Variants in AGFG1 observed in about 807,000 individuals in gnomAD.
AGFG1 encodes the protein arf-GAP domain and FG repeat-containing protein 1.
In AGFG1, 10 loss-of-function variants were observed where a neutral mutation model predicts 60.6. The ratio of observed to expected loss-of-function variants is 0.16; its 90% CI spans 0.10 to 0.28. The LOEUF is 0.28. Among genes scored for constraint, AGFG1 ranks in the 10% least tolerant of loss-of-function variants. AGFG1 has a pLI of 1.00. For synonymous variants in AGFG1, 247 were observed against 242.9 expected, an observed-to-expected ratio of 1.02 and a Z score of -0.16; for missense variants, 537 against 676.5, an observed-to-expected ratio of 0.79 and a Z score of 2.29.
chr2:227,476,539 G>A (rs1285028033), intron 1 of AGFG1, among the ~76,000 whole-genome samples: 1 of 152,164 alleles, frequency 6.6e-6, no homozygotes, highest in Non-Finnish European at 1.5e-5. Flanking sequence ...TCTATTTTAT[G>A]TGGACAGTGC....
intron 10 of AGFG1, among the ~76,000 whole-genome samples, chr2:227,541,870 A>G (rs942318521): frequency 6.6e-6 from 1 of 152,028 alleles, no homozygotes. Flanking sequence ...CTTTTATTTC[A>G]TTGAGCAGTG....
chr2:227,506,490 C>A (rs1005179130), intron 2 of AGFG1, among the ~76,000 whole-genome samples: 1 of 142,984 alleles, frequency 7.0e-6, no homozygotes, highest in Non-Finnish European at 1.5e-5. Context: ...GTACTTTAAG[C>A]TTTAAGGCTT....
Position 227,527,036 on chromosome 2 carries a change from T to C in AGFG1, c.694+2121T>C, listed in dbSNP as rs115560419. 5.2e-3 allele frequency among the ~76,000 whole-genome samples: 793 copies of C among 152,302 alleles called. 3 individuals are homozygous for C. Among genetic ancestry groups the C allele is most frequent in the African/African-American group, 0.016 (675 of 41,564 alleles). On this transcript the variant is annotated intron_variant, in intron 5 of 12. Coordinates refer to ENST00000310078, the MANE Select transcript of AGFG1 (RefSeq NM_004504.5). ...ACTTAGGTTAGGTAATATTTAAAAA[T>C]TGATTATTGAAGTATAGATTTGGTC...
At chr2:227,548,781 C>G (rs1249726208) in intron 10 of AGFG1, among the ~76,000 whole-genome samples, 17 of 151,860 alleles carry the variant, frequency 1.1e-4, no homozygotes, top group East Asian at 3.9e-4. Flanking sequence ...ACTAAAAATA[C>G]AAAAAATTAG....
chr2:227,484,195 T>G (rs1019223532), intron 1 of AGFG1, among the ~76,000 whole-genome samples: 2 of 152,180 alleles, frequency 1.3e-5, no homozygotes, highest in South Asian at 4.1e-4. Flanking sequence ...TAAGTGGTGT[T>G]TCTTTTTTTT....
intron 8 of AGFG1, among the ~76,000 whole-genome samples, chr2:227,535,644 AC>A (rs1692287714): frequency 6.6e-6 from 1 of 152,218 alleles, no homozygotes; most frequent in Non-Finnish European, 1.5e-5. Flanking sequence ...CAAGAGATTT[AC>A]CTATAACAAT....
chr2:227,512,083 A>G (rs1022825941), intron 2 of AGFG1, among the ~76,000 whole-genome samples: 1 of 152,210 alleles, frequency 6.6e-6, no homozygotes, highest in Admixed American at 6.5e-5. Flanking sequence ...GACAAAATAA[A>G]CAAGTCGGAT....
chr2:227,482,979 C>CT lies in AGFG1; in HGVS notation c.168-8550dup, dbSNP rs59051579. Among the ~76,000 whole-genome samples the CT allele has an allele frequency of 3.4e-3, 372 of 108,204 alleles. 1 individual carries two copies. Among genetic ancestry groups the CT allele is most frequent in the Middle Eastern group, 0.013 (3 of 224 alleles). The allele number at this position is 108,204 out of a possible 152,430, so 71.0% of individuals were successfully genotyped here. ...GATATCAAAACTGCAGTTATTGAGT[C>CT]TTTTTTTTTTTTTTTTTTGCACAAA... On this transcript the variant is annotated intron_variant, in intron 1 of 12. Coordinates refer to ENST00000310078, the MANE Select transcript of AGFG1 (RefSeq NM_004504.5).
intron 1 of AGFG1, among the ~76,000 whole-genome samples, chr2:227,482,475 C>G (rs184005124): frequency 3.9e-5 from 6 of 152,188 alleles, no homozygotes; most frequent in Admixed American, 2.0e-4. Flanking sequence ...TCCATCTGTT[C>G]TAGATTTTAA....
At chr2:227,529,061 CTTTA>C (rs1047026242) in intron 5 of AGFG1, among the ~76,000 whole-genome samples, 1 of 151,658 alleles carries the variant, frequency 6.6e-6, no homozygotes, top group Non-Finnish European at 1.5e-5. Flanking sequence ...TTTTTCTTTA[CTTTA>C]TTTGACTTTT....
chr2:227,487,465 G>A (rs988906999), intron 1 of AGFG1, among the ~76,000 whole-genome samples: 1 of 151,954 alleles, frequency 6.6e-6, no homozygotes, highest in Admixed American at 6.6e-5. Context: ...AAGCACAATT[G>A]TAAGTGCATA....
intron 2 of AGFG1, among the ~76,000 whole-genome samples, chr2:227,518,541 A>G (rs1390527362): frequency 7.4e-6 from 1 of 135,808 alleles, no homozygotes; most frequent in Admixed American, 7.5e-5. Context: ...TTTTTTTTTA[A>G]AGACAGAGTT....
chr2:227,498,439 T>A (rs759139678), intron 2 of AGFG1, among the ~76,000 whole-genome samples: 2 of 152,190 alleles, frequency 1.3e-5, no homozygotes, highest in Non-Finnish European at 2.9e-5. Context: ...AACCATCCAA[T>A]TAAAATATTA....
intron 2 of AGFG1, among the ~76,000 whole-genome samples, chr2:227,513,683 C>G (rs1330254515): frequency 6.6e-6 from 1 of 152,222 alleles, no homozygotes; most frequent in African/African-American, 2.4e-5. Flanking sequence ...TCCAAATTGA[C>G]TGTGCCATCC....
intron 10 of AGFG1, among the ~76,000 whole-genome samples, chr2:227,539,699 T>C (rs1226139098): frequency 7.3e-6 from 1 of 137,874 alleles, no homozygotes; most frequent in Non-Finnish European, 1.5e-5. Flanking sequence ...GAACTGTGAT[T>C]GCGCCACCAC....
chr2:227,533,505 G>A (rs769285007), intron 6 of AGFG1, 44 bp from the exon 7 acceptor site: 28 of 1,550,724 alleles, frequency 1.8e-5, no homozygotes, highest in Admixed American at 6.7e-5. Context: ...GAGGGTACTA[G>A]GAAAAGCTTA....
intron 5 of AGFG1, among the ~76,000 whole-genome samples, chr2:227,525,893 A>T (rs1691975523): frequency 1.3e-5 from 2 of 152,218 alleles, no homozygotes; most frequent in Admixed American, 6.5e-5. Flanking sequence ...TTGCATAAAA[A>T]TAATGATGTT....
chr2:227,473,022 C>T (rs1212871814), intron 1 of AGFG1, among the ~76,000 whole-genome samples: 1 of 150,424 alleles, frequency 6.6e-6, no homozygotes, highest in Non-Finnish European at 1.5e-5. Flanking sequence ...GTGTGCCCCG[C>T]CTCTCAGCGG....
At chr2:227,538,076 T>G (rs1274437184) in intron 10 of AGFG1, among the ~76,000 whole-genome samples, 1 of 152,214 alleles carries the variant, frequency 6.6e-6, no homozygotes, top group East Asian at 1.9e-4. Flanking sequence ...AATGAATGAT[T>G]GTTTTAAATT....
Sources: allele counts gnomAD v4.1 joint callset (sites outside exome capture counted in the v4.1 genomes callset), GRCh38; gene constraint gnomAD v4.1.1; transcripts MANE v1.5; gene names NCBI Gene and HGNC (gene_info 2026-07-23, HGNC 2026-07-21).